The following RPGRIP1L variants were observed in gnomAD, a reference collection of about 807,000 sequenced individuals.
RPGRIP1L encodes the protein protein fantom.
RPGRIP1L carries 131 observed loss-of-function variants against 160.4 expected under a neutral mutation model. The ratio of observed to expected loss-of-function variants is 0.82; its 90% confidence interval spans 0.71 to 0.94. The LOEUF (loss-of-function observed/expected upper bound fraction) is 0.94. RPGRIP1L is among the 40% of genes least tolerant of loss of function. The pLI, the probability that RPGRIP1L is intolerant of heterozygous loss-of-function variation, is 0.00. For missense variants in RPGRIP1L, 1,522 were observed against 1,535.8 expected (o/e 0.99, Z 0.15); for synonymous variants, 510 against 515.8 (o/e 0.99, Z 0.15).
intron 19 of RPGRIP1L, among the ~76,000 whole-genome samples, chr16:53,640,646 T>C (rs982292308): frequency 6.6e-6 from 1 of 152,144 alleles, no homozygotes; most frequent in Admixed American, 6.5e-5. Context: ...GAGAATTGAC[T>C]ACTGTATATG....
chr16:53,640,046 C>G (rs1415147131), intron 19 of RPGRIP1L, among the ~76,000 whole-genome samples: 1 of 151,994 alleles, frequency 6.6e-6, no homozygotes, highest in African/African-American at 2.4e-5. Flanking sequence ...AAAAGTCCAC[C>G]ACAGAGAATG....
In RPGRIP1L at chr16:53,637,744, C is replaced by G. The variant is rs753642494; in HGVS notation, c.3171G>C (p.Leu1057Phe). 6.2e-7 allele frequency: 1 copy of G among 1,612,406 alleles called. No individual in the cohort carries two copies. Among genetic ancestry groups the G allele is most frequent in the South Asian group, 1.1e-5 (1 of 91,064 alleles). ...TTTCTGTTTCATCTTCAGAAGATGC[C>G]AAGCTTTGTTCTGCAAGCTGACCTT... ...LSEGQLAEQS[L>F]ASSEDETEIT... Residue 1057 changes from leucine (L) to phenylalanine (F), a missense_variant, in exon 21 of 27, where the codon TTG becomes TTC. Leu to Phe is a conservative substitution (Grantham distance 22). Transcript: ENST00000647211.
chr16:53,632,804 T>C (rs548517395), intron 22 of RPGRIP1L, among the ~76,000 whole-genome samples: 1 of 152,272 alleles, frequency 6.6e-6, no homozygotes, highest in South Asian at 2.1e-4. Context: ...GAACTCCTAA[T>C]CATCTTCAAC....
intron 8 of RPGRIP1L, 117 bp downstream of exon 8, chr16:53,672,753 T>C (rs1418399361): frequency 2.2e-6 from 2 of 894,930 alleles, no homozygotes; most frequent in African/African-American, 1.7e-5. Flanking sequence ...CAAAACACCA[T>C]GTACATAACT....
Position 53,617,073 on chromosome 16 carries a change from C to CAAAAAAAAAAAAAAAAAAAAAAAA in RPGRIP1L, c.3616+1928_3616+1951dup, listed in dbSNP as rs397945611. Among the ~76,000 whole-genome samples, 16 of 21,846 alleles carry CAAAAAAAAAAAAAAAAAAAAAAAA rather than the reference C, an allele frequency of 7.3e-4. 1 individual carries two copies. Among genetic ancestry groups the CAAAAAAAAAAAAAAAAAAAAAAAA allele is most frequent in the East Asian group, 3.2e-3 (3 of 930 alleles). 14.3% of individuals were successfully genotyped at this position (21,846 alleles called of 152,430 possible). On this transcript the variant is annotated intron_variant, in intron 24 of 26. Transcript: ENST00000647211. ...GGCAATAGCACCAGACCTTGCATCACAAAAAAAAAAAAAAAAAAAAAAAAA... is the reference window on the plus strand; with the variant it reads ...GGCAATAGCACCAGACCTTGCATCACAAAAAAAAAAAAAAAAAAAAAAAAAAAAAAAAAAAAAAAAAAAAAAAAA...
At chr16:53,641,193 TA>T in intron 18 of RPGRIP1L, 77 bp from the exon 19 acceptor site, 3 of 1,482,704 alleles carry the variant, frequency 2.0e-6, no homozygotes, top group South Asian at 1.2e-5. Context: ...CTATTATTAT[TA>T]TTTTTTTTTG....
intron 6 of RPGRIP1L, among the ~76,000 whole-genome samples, chr16:53,684,439 T>C (rs1969839974): frequency 1.3e-5 from 2 of 152,146 alleles, no homozygotes. Flanking sequence ...TCATGTCCTT[T>C]GTAGGGACAT....
At chr16:53,623,875 AT>A (rs1214940326) in intron 22 of RPGRIP1L, among the ~76,000 whole-genome samples, 4 of 152,152 alleles carry the variant, frequency 2.6e-5, no homozygotes, top group Admixed American at 6.5e-5. Flanking sequence ...GAGACTGTGT[AT>A]CTTTTATATA....
rs958747631 is a variant in RPGRIP1L at position 53,634,226 on chromosome 16, C to T, written c.3294+2213G>A. On this transcript the variant is annotated intron_variant, in intron 22 of 26. Coordinates refer to ENST00000647211, the MANE Select transcript of RPGRIP1L (RefSeq NM_015272.5). Reference sequence around the variant, plus strand: ...TTCAAAAGGGTGCTAATCCCATTCACGAGAGCTCTGTCCTCATGACTTAAT... The same window carrying T: ...TTCAAAAGGGTGCTAATCCCATTCATGAGAGCTCTGTCCTCATGACTTAAT... Among the ~76,000 whole-genome samples the T allele has an allele frequency of 1.1e-4, 16 of 152,110 alleles. 1 individual carries two copies. The highest frequency in any genetic ancestry group is 1.3e-4 in the Non-Finnish European group (9 of 68,028).
intron 6 of RPGRIP1L, among the ~76,000 whole-genome samples, chr16:53,684,492 G>A (rs1334579708): frequency 6.6e-6 from 1 of 150,580 alleles, no homozygotes; most frequent in African/African-American, 2.4e-5. Flanking sequence ...CTATCGCAAG[G>A]ACAAAAAACC....
chr16:53,617,299 G>C (rs1964447083), intron 24 of RPGRIP1L, among the ~76,000 whole-genome samples: 1 of 152,028 alleles, frequency 6.6e-6, no homozygotes, highest in African/African-American at 2.4e-5. Flanking sequence ...GTTGTTGCCA[G>C]TCCAACCAAA....
chr16:53,695,685 T>C, intron 3 of RPGRIP1L: 1 of 487,966 alleles, frequency 2.0e-6, no homozygotes, highest in Non-Finnish European at 3.6e-6. Flanking sequence ...CAATATAGAA[T>C]CTAGTATAAC....
At chr16:53,653,014 G>C in intron 14 of RPGRIP1L, 27 bp from the exon 15 acceptor site, 1 of 1,573,328 alleles carries the variant, frequency 6.4e-7, no homozygotes, top group African/African-American at 1.3e-5. Flanking sequence ...ACAGTTTAGA[G>C]ATTTCAAAAT....
intron 22 of RPGRIP1L, among the ~76,000 whole-genome samples, chr16:53,623,137 C>T (rs1567805441): frequency 6.6e-6 from 1 of 152,074 alleles, no homozygotes; most frequent in Non-Finnish European, 1.5e-5. Context: ...CATTTTTTAT[C>T]TCTAGAGAAA....
rs765430813 is a variant in RPGRIP1L, at chr16:53,656,551, C to T, written c.1620G>A (p.Leu540=). The part of the protein sequence containing the change: ...VEAVTRKMEN[L]QQDYELKVEQ... ...CCACTTTGAGTTCATAATCTTGCTG[C>T]AAATTTTCCATCTTACGGGTCACTG... Residue 540 remains leucine, a synonymous_variant, in exon 14 of 27, where the codon TTG becomes TTA. Coordinates refer to ENST00000647211, the MANE Select transcript of RPGRIP1L (RefSeq NM_015272.5). The T allele has an allele frequency of 6.2e-7, 1 of 1,613,936 alleles. No individual in the cohort carries two copies. The highest frequency in any genetic ancestry group is 2.2e-5 in the East Asian group (1 of 44,858).
At chr16:53,631,653 T>G (rs1173732618) in intron 22 of RPGRIP1L, among the ~76,000 whole-genome samples, 2 of 152,008 alleles carry the variant, frequency 1.3e-5, no homozygotes, top group Non-Finnish European at 2.9e-5. Context: ...TTTATACTGT[T>G]AACTTCTGAT....
intron 21 of RPGRIP1L, among the ~76,000 whole-genome samples, chr16:53,636,922 CAATT>C (rs1290335974): frequency 6.6e-6 from 1 of 150,506 alleles, no homozygotes; most frequent in East Asian, 1.9e-4. Context: ...AAACTACACA[CAATT>C]AAACTGCAAT....
Position 53,636,484 on chromosome 16 carries a change from A to G in RPGRIP1L, c.3249T>C (p.Ser1083=), listed in dbSNP as rs11860753. 1.4e-4 allele frequency: 230 copies of G among 1,612,752 alleles called. 1 individual carries two copies. Among genetic ancestry groups the G allele is most frequent in the African/African-American group, 8.8e-4 (66 of 75,010 alleles). ...EVEEDMSASD[S]DDCIIPGPIS... ...TAGGACCTGGAATAATACAGTCATCACTGTCAGAAGCTGACATGTCCTCTT... is the reference window on the plus strand; with the variant it reads ...TAGGACCTGGAATAATACAGTCATCGCTGTCAGAAGCTGACATGTCCTCTT... Residue 1083 remains serine (S), a synonymous_variant, in exon 22 of 27, where the codon AGT becomes AGC. Coordinates refer to ENST00000647211, the MANE Select transcript of RPGRIP1L (RefSeq NM_015272.5).
chr16:53,648,430 CA>C lies in RPGRIP1L; in HGVS notation c.2304+533del, dbSNP rs1269425967. Among the ~76,000 whole-genome samples, 6 of 152,070 alleles carry C rather than the reference CA, an allele frequency of 3.9e-5. No individual in the cohort carries two copies. The East Asian group carries it at 1.2e-3, about 29-fold the overall frequency. ...TTTCCTTAACAGTAGAAATTTTTAA[CA>C]AAAGTCTTTTGATGTGTGACAGCAG... On this transcript the variant is annotated intron_variant, in intron 16 of 26. Transcript: ENST00000647211.
Sources: gnomAD v4.1 joint callset for allele counts (sites outside exome capture counted in the v4.1 genomes callset) on GRCh38, gnomAD v4.1.1 for gene constraint, MANE v1.5 for transcripts, NCBI Gene and HGNC (gene_info 2026-07-23, HGNC 2026-07-21) for gene names.